The following SAMMSON variants were observed in gnomAD, a reference collection of about 807,000 sequenced individuals.
SAMMSON encodes survival associated mitochondrial melanoma specific oncogenic non-coding RNA, also known as long intergenic non-protein coding RNA 1212.
chr3:70,426,588 C>T (rs1333309925), intron 2 of SAMMSON, among the ~76,000 whole-genome samples: 1 of 152,200 alleles, frequency 6.6e-6, no homozygotes, highest in Non-Finnish European at 1.5e-5. Flanking sequence ...TTCTCTTCTT[C>T]ATTCTTCTTC....
intron 4 of SAMMSON, among the ~76,000 whole-genome samples, chr3:70,222,780 T>C (rs1701472624): frequency 6.6e-6 from 1 of 152,134 alleles, no homozygotes; most frequent in Non-Finnish European, 1.5e-5. Context: ...TAAATAATTG[T>C]GGTAGACTGG....
At chr3:70,143,490 C>T (rs1437419553) in intron 4 of SAMMSON, among the ~76,000 whole-genome samples, 1 of 152,132 alleles carries the variant, frequency 6.6e-6, no homozygotes, top group Non-Finnish European at 1.5e-5. Flanking sequence ...GGCCATCCCT[C>T]ACCCTGCCAA....
downstream of SAMMSON, among the ~76,000 whole-genome samples, chr3:70,390,392 G>A (rs1437258150): frequency 1.3e-5 from 2 of 152,056 alleles, no homozygotes; most frequent in African/African-American, 2.4e-5. Flanking sequence ...GAAAATACCT[G>A]AGACTGGATA....
chr3:70,019,798 G>T (rs752414503), intron 3 of SAMMSON, among the ~76,000 whole-genome samples: 1 of 151,960 alleles, frequency 6.6e-6, no homozygotes, highest in Non-Finnish European at 1.5e-5. Flanking sequence ...CAGAAGTGCT[G>T]TTCTTAGGAA....
intron 4 of SAMMSON, among the ~76,000 whole-genome samples, chr3:70,236,102 C>T (rs1238047243): frequency 6.6e-6 from 1 of 152,174 alleles, no homozygotes; most frequent in Non-Finnish European, 1.5e-5. Flanking sequence ...CACTCTTTCC[C>T]TTGCTAACCT....
At chr3:70,169,115 G>T (rs2067650661) in intron 4 of SAMMSON, among the ~76,000 whole-genome samples, 1 of 151,982 alleles carries the variant, frequency 6.6e-6, no homozygotes, top group Admixed American at 6.6e-5. Flanking sequence ...AAGTGGTTTT[G>T]CACACATGTG....
chr3:70,275,513 T>A (rs1702015649), intron 6 of SAMMSON, among the ~76,000 whole-genome samples: 1 of 151,980 alleles, frequency 6.6e-6, no homozygotes, highest in Non-Finnish European at 1.5e-5. Context: ...CAAGACCCTG[T>A]CTCAAAAAAT....
chr3:70,374,323 G>T (rs1042704641), intron 9 of SAMMSON, among the ~76,000 whole-genome samples: 1 of 152,004 alleles, frequency 6.6e-6, no homozygotes. Context: ...CCTTGTTCTT[G>T]GTATGATGAG....
intron 7 of SAMMSON, among the ~76,000 whole-genome samples, chr3:70,331,098 A>C (rs1175404059): frequency 6.6e-6 from 1 of 152,246 alleles, no homozygotes; most frequent in African/African-American, 2.4e-5. Flanking sequence ...CTCTTCTTAG[A>C]CAAAACATGA....
intron 7 of SAMMSON, among the ~76,000 whole-genome samples, chr3:70,304,785 C>T (rs1702384044): frequency 6.6e-6 from 1 of 152,178 alleles, no homozygotes; most frequent in African/African-American, 2.4e-5. Flanking sequence ...TTTAGAATCT[C>T]CCGTGGCTTC....
At chr3:70,238,386 A>T (rs914753007) in intron 4 of SAMMSON, among the ~76,000 whole-genome samples, 3 of 152,044 alleles carry the variant, frequency 2.0e-5, no homozygotes, top group Non-Finnish European at 2.9e-5. Flanking sequence ...AGGCAAGAGG[A>T]TCATTTGAGC....
rs550033356 is a variant in SAMMSON, at chr3:70,200,277, C to T, written n.508-48830C>T. On this transcript the variant is annotated intron_variant and non_coding_transcript_variant, in intron 4 of 9. Transcript: ENST00000642114. ...ATCAGCTCCTTCAGTATTTTTAATT[C>T]TAAATTTAAACAACTCACTCTCCCC... 6.6e-4 allele frequency among the ~76,000 whole-genome samples: 100 copies of T among 152,258 alleles called. 1 individual carries two copies. In the South Asian group the frequency reaches 0.016, roughly 25 times the overall value.
intron 1 of SAMMSON, among the ~76,000 whole-genome samples, chr3:70,003,353 A>G (rs979290514): frequency 1.3e-5 from 2 of 152,002 alleles, no homozygotes; most frequent in African/African-American, 4.8e-5. Flanking sequence ...TTGATATATT[A>G]CAGAGTGTCT....
chr3:70,117,989 C>T (rs1171036017), intron 4 of SAMMSON, among the ~76,000 whole-genome samples: 1 of 152,108 alleles, frequency 6.6e-6, no homozygotes, highest in Non-Finnish European at 1.5e-5. Context: ...GCCATCTCGG[C>T]TCACTGCAAC....
chr3:70,313,659 C>T (rs1440510196), intron 7 of SAMMSON, among the ~76,000 whole-genome samples: 1 of 152,076 alleles, frequency 6.6e-6, no homozygotes. Context: ...TTGCCTCCTC[C>T]AGTGTCTTTA....
intron 7 of SAMMSON, among the ~76,000 whole-genome samples, chr3:70,298,698 A>G (rs540630624): frequency 1.3e-5 from 2 of 152,066 alleles, no homozygotes; most frequent in East Asian, 1.9e-4. Context: ...GACTTGCCCA[A>G]ACTTTTCCAG....
intron 9 of SAMMSON, among the ~76,000 whole-genome samples, chr3:70,371,397 T>C (rs1702967844): frequency 6.6e-6 from 1 of 152,158 alleles, no homozygotes. Flanking sequence ...TGTAGATTGC[T>C]TTGGGTTGTA....
At chr3:70,102,217 TTCTCCTCTTCTCTATTCTTAGCAA>T (rs2067348972) in intron 4 of SAMMSON, among the ~76,000 whole-genome samples, 1 of 152,182 alleles carries the variant, frequency 6.6e-6, no homozygotes. Flanking sequence ...TTTCATCTTT[TTCTCCTCTTCTCTATTCTTAGCAA>T]TAATAATATA....
intron 3 of SAMMSON, among the ~76,000 whole-genome samples, chr3:70,038,655 T>G (rs2067095208): frequency 6.6e-6 from 1 of 152,146 alleles, no homozygotes; most frequent in African/African-American, 2.4e-5. Context: ...AAATACAGTT[T>G]CAGTAAATGC....
Sources: allele counts gnomAD v4.1 joint callset (sites outside exome capture counted in the v4.1 genomes callset), GRCh38; gene constraint gnomAD v4.1.1; transcripts MANE v1.5; gene names NCBI Gene and HGNC (gene_info 2026-07-23, HGNC 2026-07-21).